The following DCX variants were observed in gnomAD, a reference collection of about 807,000 sequenced individuals.
The protein encoded by DCX is doublecortin, also known as neuronal migration protein doublecortin.
In DCX, 4 loss-of-function variants were observed where a neutral mutation model predicts 20.9. The ratio of observed to expected loss-of-function variants is 0.19; its 90% CI spans 0.09 to 0.44. The LOEUF (loss-of-function observed/expected upper bound fraction) is 0.44. DCX is among the 20% of genes least tolerant of loss of function. The pLI, the probability that DCX is intolerant of heterozygous loss-of-function variation, is 0.99. For missense variants in DCX, 133 were observed against 296.9 expected (o/e 0.45, Z 4.06); for synonymous variants, 103 against 111.4 (o/e 0.92, Z 0.47).
rs1011396670 is a variant in DCX at position 111,297,630 on chromosome X, C to T, written c.*4057G>A. On this transcript the variant is annotated 3_prime_UTR_variant, in exon 7 of 7. Coordinates refer to ENST00000636035, the MANE Select transcript of DCX (RefSeq NM_001195553.2). Reference sequence around the variant, plus strand: ...GAGAAGGAGGAAGGAGAGAGAAGTACCTGAGGAGTGGGGTAAGCCCAGAAG... The same window carrying T: ...GAGAAGGAGGAAGGAGAGAGAAGTATCTGAGGAGTGGGGTAAGCCCAGAAG... 1.8e-5 allele frequency: 2 copies of T among 111,478 alleles called. No individual in the cohort carries two copies. The highest frequency in any genetic ancestry group is 3.8e-5 in the Non-Finnish European group (2 of 53,075). 9.2% of individuals were successfully genotyped at this position (111,478 alleles called of 1,213,427 possible). A position where few individuals can be genotyped will look rare whatever the true frequency, so the allele number is the denominator to read the frequency against.
intron 3 of DCX, among the ~76,000 whole-genome samples, chrX:111,378,671 C>T (rs977271016): frequency 1.2e-4 from 13 of 110,844 alleles, no homozygotes; most frequent in Non-Finnish European, 2.3e-4. Context: ...CACGACTATA[C>T]CCACAGTTGT....
chrX:111,369,621 T>C (rs1352603068), intron 3 of DCX, among the ~76,000 whole-genome samples: 1 of 111,838 alleles, frequency 8.9e-6, no homozygotes, highest in African/African-American at 3.3e-5. Context: ...GAAAAAGTGG[T>C]GGCCCTACGA....
rs182649247 is a variant in DCX, at chrX:111,304,294, G to A, written c.1045-2551C>T. On this transcript the variant is annotated intron_variant, in intron 6 of 6. Transcript: ENST00000636035. Reference sequence around the variant, plus strand: ...TTCCTCAACAAATGCAGTAACACTGGCAAAACTGTCAAAATTAACTTTTTC... The same window carrying A: ...TTCCTCAACAAATGCAGTAACACTGACAAAACTGTCAAAATTAACTTTTTC... Among the ~76,000 whole-genome samples, 4 of 112,157 alleles carry A rather than the reference G, an allele frequency of 3.6e-5. No homozygotes were observed. In the East Asian group the frequency reaches 1.1e-3, roughly 32 times the overall value.
chrX:111,363,496 C>G (rs948901937), intron 3 of DCX, among the ~76,000 whole-genome samples: 6 of 107,530 alleles, frequency 5.6e-5, no homozygotes, highest in Non-Finnish European at 9.6e-5. Flanking sequence ...TGGGTATGGC[C>G]TGATTTAGCC....
chrX:111,325,283 A>T (rs1272203386), intron 5 of DCX, among the ~76,000 whole-genome samples: 1 of 111,387 alleles, frequency 9.0e-6, no homozygotes, highest in African/African-American at 3.3e-5. Flanking sequence ...CATCCAACGT[A>T]GACCTTTGCA....
intron 6 of DCX, among the ~76,000 whole-genome samples, chrX:111,309,464 A>C (rs2095052703): frequency 8.9e-6 from 1 of 112,285 alleles, no homozygotes; most frequent in Non-Finnish European, 1.9e-5. Flanking sequence ...AGGAGCATGA[A>C]TCTAGGACCT....
intron 3 of DCX, among the ~76,000 whole-genome samples, chrX:111,373,839 A>G (rs1869032422): frequency 8.9e-6 from 1 of 112,139 alleles, no homozygotes; most frequent in African/African-American, 3.2e-5. Context: ...TAACTACTCA[A>G]CAAATAGTAC....
At position 111,410,102 on chromosome X, in the gene DCX, C is replaced by T; in HGVS notation, c.297G>A (p.Gln99=). 8.3e-7 allele frequency: 1 copy of T among 1,211,876 alleles called. No individual in the cohort carries two copies. Among genetic ancestry groups the T allele is most frequent in the African/African-American group, 1.7e-5 (1 of 57,820 alleles). ...RSLSDNINLP[Q]GVRYIYTIDG... is the part of the protein sequence containing the mutation. The stretch of plus-strand genomic sequence containing the variant: ...CAATGGTGTAAATGTAACGCACTCC[C>T]TGAGGCAGGTTGATGTTGTCAGACA... The change falls in exon 2 of 7, where the codon CAG becomes CAA. Residue 99 remains glutamine (Q), a synonymous_variant. Coordinates refer to ENST00000636035, the MANE Select transcript of DCX (RefSeq NM_001195553.2).
At chrX:111,408,120 C>A (rs780747785) in intron 2 of DCX, among the ~76,000 whole-genome samples, 3 of 111,352 alleles carry the variant, frequency 2.7e-5, no homozygotes, top group Admixed American at 9.5e-5. Context: ...AAAAGACAGA[C>A]ACCCTAACAA....
At chrX:111,358,508 C>A (rs1007195894) in intron 3 of DCX, among the ~76,000 whole-genome samples, 3 of 111,873 alleles carry the variant, frequency 2.7e-5, no homozygotes, top group African/African-American at 9.7e-5. Flanking sequence ...AAGAATTTGC[C>A]TTATTCTGTT....
intron 3 of DCX, among the ~76,000 whole-genome samples, chrX:111,386,737 T>C (rs939961238): frequency 9.0e-6 from 1 of 111,381 alleles, no homozygotes; most frequent in Non-Finnish European, 1.9e-5. Context: ...TTCATCCCAT[T>C]GCTAATCAAC....
intron 3 of DCX, among the ~76,000 whole-genome samples, chrX:111,384,058 C>G (rs949843437): frequency 8.9e-6 from 1 of 112,041 alleles, no homozygotes; most frequent in Non-Finnish European, 1.9e-5. Context: ...AACCCTAACC[C>G]ATGTCTTTCT....
intron 3 of DCX, among the ~76,000 whole-genome samples, chrX:111,342,630 A>G (rs1922390305): frequency 9.2e-6 from 1 of 108,271 alleles, no homozygotes; most frequent in Admixed American, 1.0e-4. Flanking sequence ...TCAGGACCAC[A>G]TGGCACTTAT....
rs139599991 is a variant in DCX at position 111,339,263 on chromosome X, G to A, written c.706-6110C>T. ...AATGTTTGTCCCCTCCAAAACTCAT[G>A]TTGAAACTTACTCCCCAATGTGGCA... On this transcript the variant is annotated intron_variant, in intron 3 of 6. Transcript: ENST00000636035. 3.7e-4 allele frequency among the ~76,000 whole-genome samples: 41 copies of A among 111,888 alleles called. No homozygotes were observed. The East Asian group carries it at 0.011, about 29-fold the overall frequency.
intron 6 of DCX, among the ~76,000 whole-genome samples, chrX:111,302,801 A>AT (rs2095036888): frequency 9.0e-6 from 1 of 111,229 alleles, no homozygotes; most frequent in Non-Finnish European, 1.9e-5. Flanking sequence ...TCTGAATTAG[A>AT]TTTTTTTCTT....
Position 111,295,709 on chromosome X carries a change from TTA to T in DCX, c.*5976_*5977del, listed in dbSNP as rs2095018933. 1 of 112,458 alleles carries T rather than the reference TTA, an allele frequency of 8.9e-6. No individual in the cohort carries two copies. The highest frequency in any genetic ancestry group is 1.9e-5 in the Non-Finnish European group (1 of 53,270). The allele number at this position is 112,458 out of a possible 1,213,427, so 9.3% of individuals were successfully genotyped here. A position where few individuals can be genotyped will look rare whatever the true frequency, so the allele number is the denominator to read the frequency against. On this transcript the variant is annotated 3_prime_UTR_variant, in exon 7 of 7. Coordinates refer to ENST00000636035, the MANE Select transcript of DCX (RefSeq NM_001195553.2). Reference sequence around the variant, plus strand: ...GGGTGGATTTTTTCTCTTCAGCTGATTATGTCTCTGAGCACGCTTCACTGCTC... The same window carrying T: ...GGGTGGATTTTTTCTCTTCAGCTGATTGTCTCTGAGCACGCTTCACTGCTC...
intron 3 of DCX, among the ~76,000 whole-genome samples, chrX:111,399,489 A>G (rs1388538331): frequency 6.2e-5 from 7 of 112,333 alleles, no homozygotes; most frequent in African/African-American, 1.9e-4. Flanking sequence ...ATTTATGCCT[A>G]ATATAAAGAA....
Position 111,333,064 on chromosome X carries a change from A to G in DCX, c.795T>C (p.Ser265=). 6 of 1,204,613 alleles carry G rather than the reference A, an allele frequency of 5.0e-6. No individual in the cohort carries two copies. The South Asian group carries it at 1.1e-4, about 21-fold the overall frequency. The part of the protein sequence containing the change: ...EKFRYAQDDF[S]LDENECRVMK... Reference sequence around the variant, plus strand: ...GGTTATGCTTACCATTTTCATCCAGAGAAAAATCATCCTGAGCATAGCGAA... The same window carrying G: ...GGTTATGCTTACCATTTTCATCCAGGGAAAAATCATCCTGAGCATAGCGAA... The change falls in exon 4 of 7, where the codon TCT becomes TCC. Residue 265 remains serine, a synonymous_variant. Transcript: ENST00000636035.
At chrX:111,405,804 T>C (rs1284809702) in intron 2 of DCX, among the ~76,000 whole-genome samples, 1 of 111,730 alleles carries the variant, frequency 9.0e-6, no homozygotes, top group Admixed American at 9.5e-5. Context: ...ATATCCTACA[T>C]GGCTTCACTA....
Sources: gnomAD v4.1 joint callset for allele counts (sites outside exome capture counted in the v4.1 genomes callset) on GRCh38, gnomAD v4.1.1 for gene constraint, MANE v1.5 for transcripts, NCBI Gene and HGNC (gene_info 2026-07-23, HGNC 2026-07-21) for gene names.